The following SLIT2 variants were observed in gnomAD, a reference collection of about 807,000 sequenced individuals.
The protein encoded by SLIT2 is slit guidance ligand 2, also known as slit homolog 2 protein.
In SLIT2, 41 loss-of-function variants were observed where a neutral mutation model predicts 185.7. That is an observed-to-expected ratio of 0.22 (90% CI 0.17 to 0.29). SLIT2 has a LOEUF of 0.29. Among genes scored for constraint, SLIT2 ranks in the 10% least tolerant of loss-of-function variants. SLIT2 has a pLI of 1.00. For missense variants in SLIT2, 1,571 were observed against 1,909.0 expected (o/e 0.82, Z 3.30); for synonymous variants, 693 against 680.2 (o/e 1.02, Z -0.29).
At chr4:20,413,269 G>T (rs780548019) in intron 4 of SLIT2, among the ~76,000 whole-genome samples, 15 of 151,756 alleles carry the variant, frequency 9.9e-5, no homozygotes, top group Non-Finnish European at 1.9e-4. Flanking sequence ...TCACATATTT[G>T]TGAATTTCCC....
At chr4:20,317,022 T>C (rs1295018519) in intron 4 of SLIT2, among the ~76,000 whole-genome samples, 1 of 148,952 alleles carries the variant, frequency 6.7e-6, no homozygotes, top group Non-Finnish European at 1.5e-5. Context: ...TGTGAAATAT[T>C]TTGACTGTTT....
chr4:20,346,332 G>A (rs1029289768), intron 4 of SLIT2, among the ~76,000 whole-genome samples: 1 of 152,120 alleles, frequency 6.6e-6, no homozygotes, highest in Non-Finnish European at 1.5e-5. Context: ...TCTTGTATAT[G>A]AGAAGCTGTC....
chr4:20,342,717 C>CTTTTTTTTTTT (rs11373611), intron 4 of SLIT2, among the ~76,000 whole-genome samples: 2 of 69,678 alleles, frequency 2.9e-5, no homozygotes, highest in Admixed American at 2.6e-4. Flanking sequence ...GACTATCGCA[C>CTTTTTTTTTTT]TTTTTTTTTT....
chr4:20,587,263 C>A (rs1409750153), intron 29 of SLIT2, among the ~76,000 whole-genome samples: 1 of 152,122 alleles, frequency 6.6e-6, no homozygotes, highest in African/African-American at 2.4e-5. Flanking sequence ...AGGCAATCCG[C>A]CCTCCTCAGC....
chr4:20,261,576 G>A (rs574143850), intron 3 of SLIT2, among the ~76,000 whole-genome samples: 2 of 151,834 alleles, frequency 1.3e-5, no homozygotes, highest in South Asian at 4.1e-4. Context: ...TCTTTTAGGG[G>A]GACCCAGATC....
intron 4 of SLIT2, among the ~76,000 whole-genome samples, chr4:20,283,915 A>T (rs1455117246): frequency 6.6e-6 from 1 of 152,082 alleles, no homozygotes; most frequent in Non-Finnish European, 1.5e-5. Flanking sequence ...CCCTTCCCTG[A>T]TCTATTCTTC....
At chr4:20,460,373 T>A (rs1331969667) in intron 4 of SLIT2, among the ~76,000 whole-genome samples, 1 of 152,226 alleles carries the variant, frequency 6.6e-6, no homozygotes, top group Non-Finnish European at 1.5e-5. Flanking sequence ...AACATAAATT[T>A]GTAGATATTC....
At chr4:20,392,391 A>G (rs1262507103) in intron 4 of SLIT2, 6 of 152,110 alleles carry the variant, frequency 3.9e-5, no homozygotes, top group Non-Finnish European at 8.8e-5. Context: ...GGAGGACTGG[A>G]AATTGCATCG....
At chr4:20,607,324 G>A (rs1728867494) in intron 33 of SLIT2, among the ~76,000 whole-genome samples, 1 of 152,148 alleles carries the variant, frequency 6.6e-6, no homozygotes, top group Admixed American at 6.5e-5. Flanking sequence ...ATTTTCAGAG[G>A]TCTTGTCTTA....
intron 12 of SLIT2, among the ~76,000 whole-genome samples, chr4:20,520,662 AT>A (rs1444516973): frequency 4.6e-5 from 7 of 152,104 alleles, no homozygotes; most frequent in Non-Finnish European, 1.0e-4. Flanking sequence ...CTTTTTCACC[AT>A]TATGCAGAAA....
At chr4:20,561,956 A>G (rs575273844) in intron 26 of SLIT2, among the ~76,000 whole-genome samples, 1 of 151,992 alleles carries the variant, frequency 6.6e-6, no homozygotes, top group African/African-American at 2.4e-5. Context: ...AAGATTTTAT[A>G]AAATAATTAT....
rs942269399 is a variant in SLIT2, at chr4:20,252,793, C to T, written c.-1023C>T. On this transcript the variant is annotated 5_prime_UTR_variant, in exon 1 of 37. Coordinates refer to ENST00000504154, the MANE Select transcript of SLIT2 (RefSeq NM_004787.4). ...TGCCACCGAGCCATTCTCCAGTACG[C>T]CCCAGCAGGACGCTGACACCTCCAA... Among the ~76,000 whole-genome samples, 2 of 152,206 alleles carry T rather than the reference C, an allele frequency of 1.3e-5. No individual in the cohort carries two copies. Among genetic ancestry groups the T allele is most frequent in the African/African-American group, 4.8e-5 (2 of 41,454 alleles).
chr4:20,314,066 T>A (rs1053817311), intron 4 of SLIT2, among the ~76,000 whole-genome samples: 1 of 152,212 alleles, frequency 6.6e-6, no homozygotes, highest in African/African-American at 2.4e-5. Context: ...GTACATTAGG[T>A]AATAAGCATT....
chr4:20,374,932 A>G (rs1376336437), intron 4 of SLIT2, among the ~76,000 whole-genome samples: 1 of 152,138 alleles, frequency 6.6e-6, no homozygotes, highest in East Asian at 1.9e-4. Flanking sequence ...AAACCTGTCA[A>G]CATCACTACA....
At chr4:20,613,589 G>A (rs984228052) in intron 34 of SLIT2, among the ~76,000 whole-genome samples, 12 of 152,044 alleles carry the variant, frequency 7.9e-5, no homozygotes, top group Non-Finnish European at 1.5e-4. Context: ...GAAATAGTCC[G>A]TACAACAAAC....
chr4:20,461,621 C>T (rs1405259549), intron 4 of SLIT2, among the ~76,000 whole-genome samples: 1 of 152,128 alleles, frequency 6.6e-6, no homozygotes, highest in African/African-American at 2.4e-5. Context: ...GATCAGGGGA[C>T]TAGACGTGCA....
intron 4 of SLIT2, among the ~76,000 whole-genome samples, chr4:20,336,543 A>G (rs1195624981): frequency 6.6e-6 from 1 of 152,226 alleles, no homozygotes; most frequent in African/African-American, 2.4e-5. Context: ...GAGTTGGGGG[A>G]GGGGAGAGGG....
intron 4 of SLIT2, among the ~76,000 whole-genome samples, chr4:20,322,097 G>A (rs992544971): frequency 1.2e-4 from 19 of 152,222 alleles, no homozygotes; most frequent in African/African-American, 4.6e-4. Context: ...GTACAGGCCA[G>A]CCAGATTCCA....
chr4:20,316,146 C>T (rs1718557483), intron 4 of SLIT2, among the ~76,000 whole-genome samples: 1 of 151,944 alleles, frequency 6.6e-6, no homozygotes, highest in Non-Finnish European at 1.5e-5. Context: ...CTTGCTAAGT[C>T]TTGTGGGAGG....
Sources: gnomAD v4.1 joint callset for allele counts (sites outside exome capture counted in the v4.1 genomes callset) on GRCh38, gnomAD v4.1.1 for gene constraint, MANE v1.5 for transcripts, NCBI Gene and HGNC (gene_info 2026-07-23, HGNC 2026-07-21) for gene names.